The following CSMD3 variants were observed in gnomAD, a reference collection of about 807,000 sequenced individuals.
CSMD3 encodes the protein CUB and sushi domain-containing protein 3.
In CSMD3, 177 loss-of-function variants were observed where a neutral mutation model predicts 435.2. That is an observed-to-expected ratio of 0.41 (90% CI 0.36 to 0.46). The LOEUF is 0.46. CSMD3 is among the 20% of genes least tolerant of loss of function. CSMD3 has a pLI of 0.34. For synonymous variants in CSMD3, 1,656 were observed against 1,520.5 expected (o/e 1.09, Z -2.07); for missense variants, 4,265 against 4,504.6 (o/e 0.95, Z 1.52).
rs772977523 is a variant in CSMD3, at chr8:112,311,054, A to G, written c.7809T>C (p.Val2603=). The G allele has an allele frequency of 1.2e-6, 2 of 1,614,012 alleles. No homozygotes were observed. The highest frequency in any genetic ancestry group is 2.2e-5 in the East Asian group (1 of 44,878). ...RWACDRGFRL[V]GKSSAVCRKS... is the part of the protein sequence containing the mutation. ...TTCTGCACACAGCACTGCTTTTTCCAACAAGTCGGAATCCTCGATCACAGG... is the reference window on the plus strand; with the variant it reads ...TTCTGCACACAGCACTGCTTTTTCCGACAAGTCGGAATCCTCGATCACAGG... The change falls in exon 50 of 71, where the codon GTT becomes GTC. Residue 2603 remains valine, a synonymous_variant. Coordinates refer to ENST00000297405, the MANE Select transcript of CSMD3 (RefSeq NM_198123.2).
chr8:112,281,350 G>A lies in CSMD3; in HGVS notation c.9332C>T (p.Ala3111Val), dbSNP rs1448625033. ...GGTTCCTGGGTTACCACACTGCACA[G>A]CTATAAAACAAAGTGTTTAAGAGTA... The part of the protein sequence containing the change: ...SWTGRQPECK[A>V]VQCGNPGTTA... Residue 3111 changes from alanine (A) to valine (V), a missense_variant and splice_region_variant, in exon 59 of 71, where the codon GCT becomes GTT. Transcript: ENST00000297405. The A allele has an allele frequency of 1.2e-6, 2 of 1,611,300 alleles. No homozygotes were observed. Among genetic ancestry groups the A allele is most frequent in the South Asian group, 2.2e-5 (2 of 91,056 alleles).
chr8:113,340,085 ATG>A (rs1209681631), intron 1 of CSMD3, among the ~76,000 whole-genome samples: 1 of 151,948 alleles, frequency 6.6e-6, no homozygotes, highest in African/African-American at 2.4e-5. Context: ...CTATTTATAT[ATG>A]TGTTATGTGT....
intron 9 of CSMD3, among the ~76,000 whole-genome samples, chr8:112,930,274 T>A (rs776403092): frequency 1.3e-5 from 2 of 152,106 alleles, no homozygotes; most frequent in Non-Finnish European, 2.9e-5. Context: ...TATACTACTA[T>A]CAGACAGCAA....
At chr8:112,778,152 C>T (rs1291886760) in intron 13 of CSMD3, among the ~76,000 whole-genome samples, 2 of 151,756 alleles carry the variant, frequency 1.3e-5, no homozygotes, top group Admixed American at 6.6e-5. Flanking sequence ...ACAACCTCCC[C>T]AACTACCAAC....
rs551247430 is a variant in CSMD3, at chr8:112,941,260, G to A, written c.1508+6530C>T. On this transcript the variant is annotated intron_variant, in intron 9 of 70. Coordinates refer to ENST00000297405, the MANE Select transcript of CSMD3 (RefSeq NM_198123.2). ...AGATATATTTGAAGCCAACTATGTG[G>A]GACAATTTGTTACCACACAAAATAT... is the stretch of plus-strand genomic sequence containing the variant. Among the ~76,000 whole-genome samples, 108 of 151,866 alleles carry A rather than the reference G, an allele frequency of 7.1e-4. 1 individual carries two copies. Among genetic ancestry groups the A allele is most frequent in the Non-Finnish European group, 1.2e-3 (83 of 67,786 alleles).
intron 22 of CSMD3, among the ~76,000 whole-genome samples, chr8:112,626,413 A>G (rs1308816126): frequency 6.6e-6 from 1 of 152,112 alleles, no homozygotes; most frequent in Non-Finnish European, 1.5e-5. Context: ...CAAACAATAA[A>G]ACCAATTATT....
intron 69 of CSMD3, among the ~76,000 whole-genome samples, chr8:112,230,078 G>A (rs1201501405): frequency 6.6e-6 from 1 of 152,070 alleles, no homozygotes; most frequent in Non-Finnish European, 1.5e-5. Context: ...CGCAGAGTTA[G>A]GAAATAAGAA....
chr8:113,299,227 T>C (rs1348854995), intron 2 of CSMD3, among the ~76,000 whole-genome samples: 1 of 152,200 alleles, frequency 6.6e-6, no homozygotes, highest in East Asian at 1.9e-4. Context: ...GCATTCTTAG[T>C]AATATCTTAT....
At chr8:112,858,953 T>A (rs1167256442) in intron 11 of CSMD3, among the ~76,000 whole-genome samples, 192 bp downstream of exon 11, 3 of 151,976 alleles carry the variant, frequency 2.0e-5, no homozygotes, top group Non-Finnish European at 4.4e-5. Flanking sequence ...TAGCTTGGAG[T>A]AGAATTGTAT....
chr8:112,275,500 T>C (rs139390184), intron 59 of CSMD3, among the ~76,000 whole-genome samples: 3,272 of 151,936 alleles, frequency 0.022, 117 homozygotes, highest in African/African-American at 0.075. Context: ...TGAGCCAAAA[T>C]TGCACCATTG....
chr8:113,299,952 AC>A (rs1300114315), intron 2 of CSMD3, among the ~76,000 whole-genome samples: 1 of 151,744 alleles, frequency 6.6e-6, no homozygotes, highest in Non-Finnish European at 1.5e-5. Flanking sequence ...ACATCACGCC[AC>A]TGCACTCCAG....
At chr8:113,384,500 A>G (rs2094431225) in intron 1 of CSMD3, among the ~76,000 whole-genome samples, 1 of 152,190 alleles carries the variant, frequency 6.6e-6, no homozygotes, top group African/African-American at 2.4e-5. Flanking sequence ...TCAGATAGGA[A>G]ATAACAGCAG....
chr8:113,350,399 A>G (rs1235897111), intron 1 of CSMD3, among the ~76,000 whole-genome samples: 1 of 152,158 alleles, frequency 6.6e-6, no homozygotes, highest in East Asian at 1.9e-4. Flanking sequence ...ATATTTCTCC[A>G]ATCGTGGTAA....
chr8:112,318,969 G>A lies in CSMD3; in HGVS notation c.7247-19C>T, dbSNP rs2130861708. 1.4e-6 allele frequency: 2 copies of A among 1,402,336 alleles called. No individual in the cohort carries two copies. The highest frequency in any genetic ancestry group is 2.3e-5 in the East Asian group (1 of 43,838). The allele number at this position is 1,402,336 out of a possible 1,614,324, so 86.9% of individuals were successfully genotyped here. A position where few individuals can be genotyped will look rare whatever the true frequency, so the allele number is the denominator to read the frequency against. On this transcript the variant is annotated intron_variant, in intron 46 of 70. Transcript: ENST00000297405. ...ATATCACCTATTAAACAAAAGAGGG[G>A]AGGTTTCATATAAGCAACAAGGTGA...
intron 13 of CSMD3, among the ~76,000 whole-genome samples, chr8:112,781,324 G>A (rs777948814): frequency 9.2e-5 from 14 of 152,002 alleles, no homozygotes; most frequent in Non-Finnish European, 1.8e-4. Flanking sequence ...TGGCCATGAG[G>A]TGAGACTCCT....
intron 16 of CSMD3, among the ~76,000 whole-genome samples, chr8:112,674,656 C>G (rs1586941745): frequency 6.6e-6 from 1 of 152,266 alleles, no homozygotes; most frequent in African/African-American, 2.4e-5. Context: ...AAACAGCTCT[C>G]CCTCTCTCCA....
At chr8:113,270,101 TCAAA>T (rs1281884064) in intron 3 of CSMD3, among the ~76,000 whole-genome samples, 3 of 151,600 alleles carry the variant, frequency 2.0e-5, no homozygotes, top group African/African-American at 7.3e-5. Context: ...TACAATGAAC[TCAAA>T]CAAATTTACA....
intron 3 of CSMD3, among the ~76,000 whole-genome samples, chr8:113,238,890 A>T (rs2093179759): frequency 6.6e-6 from 1 of 152,078 alleles, no homozygotes; most frequent in African/African-American, 2.4e-5. Flanking sequence ...TGACTGGACC[A>T]TGGGATTCCA....
At chr8:113,338,924 T>C (rs186466891) in intron 1 of CSMD3, among the ~76,000 whole-genome samples, 34 of 152,098 alleles carry the variant, frequency 2.2e-4, no homozygotes, top group Admixed American at 1.7e-3. Context: ...ATTAAGGTTT[T>C]CTTGTCCACA....
Sources: gnomAD v4.1 joint callset for allele counts (sites outside exome capture counted in the v4.1 genomes callset) on GRCh38, gnomAD v4.1.1 for gene constraint, MANE v1.5 for transcripts, NCBI Gene and HGNC (gene_info 2026-07-23, HGNC 2026-07-21) for gene names.